RANBP2: variants seen among roughly 807,000 people sequenced by gnomAD.
RANBP2 encodes the protein RAN binding protein 2.
A neutral mutation model predicts 303.6 loss-of-function variants in RANBP2; 57 were observed. The observed-to-expected ratio is 0.19, with a 90% CI of 0.15 to 0.23. RANBP2 has a LOEUF of 0.23. RANBP2 is among the 10% of genes least tolerant of loss of function. The pLI, the probability that RANBP2 is intolerant of heterozygous loss-of-function variation, is 1.00. For missense variants in RANBP2, 3,138 were observed against 3,780.8 expected, an observed-to-expected ratio of 0.83 and a Z score of 4.46; for synonymous variants, 1,167 against 1,301.5, an observed-to-expected ratio of 0.90 and a Z score of 2.23.
the RANBP2 span, among the ~76,000 whole-genome samples, chr2:109,238,449 TTGTGTG>T: frequency 0.13 from 18,027 of 142,434 alleles, 1,288 homozygotes; most frequent in East Asian, 0.24. Context: ...TTATGTATAT[TTGTGTG>T]TGTGTGTGTG....
At chr2:108,729,088 AAT>A (rs1558873832) in intron 1 of RANBP2, 42 bp from the exon 2 acceptor site, 1 of 1,547,022 alleles carries the variant, frequency 6.5e-7, no homozygotes, top group Non-Finnish European at 8.7e-7. Context: ...AATGTTGGAA[AAT>A]ATTTCTGTAT....
chr2:108,953,023 T>C, the RANBP2 span, among the ~76,000 whole-genome samples: 3 of 152,210 alleles, frequency 2.0e-5, no homozygotes, highest in Non-Finnish European at 4.4e-5. Context: ...GTAGTAGGTG[T>C]ACATATTTAT....
chr2:109,714,079 C>A, the RANBP2 span, among the ~76,000 whole-genome samples: 1 of 152,138 alleles, frequency 6.6e-6, no homozygotes, highest in African/African-American at 2.4e-5. Flanking sequence ...CATGGAGGTT[C>A]TTTTTTATTT....
the RANBP2 span, among the ~76,000 whole-genome samples, chr2:109,721,354 A>T: frequency 6.6e-6 from 1 of 152,168 alleles, no homozygotes; most frequent in African/African-American, 2.4e-5. Flanking sequence ...GGAACACAGG[A>T]CGTGTGATTT....
the RANBP2 span, among the ~76,000 whole-genome samples, chr2:108,868,648 T>C: frequency 6.6e-6 from 1 of 151,840 alleles, no homozygotes; most frequent in Non-Finnish European, 1.5e-5. Flanking sequence ...CTGCTGAGAG[T>C]TTCTGGGAAA....
chr2:108,899,407 C>T, the RANBP2 span, among the ~76,000 whole-genome samples: 1 of 152,110 alleles, frequency 6.6e-6, no homozygotes, highest in Non-Finnish European at 1.5e-5. Flanking sequence ...TTTTCACCAG[C>T]AGACCTATCC....
the RANBP2 span, among the ~76,000 whole-genome samples, chr2:108,807,696 C>A: frequency 6.6e-6 from 1 of 152,156 alleles, no homozygotes; most frequent in East Asian, 1.9e-4. Context: ...CGGCTCACTG[C>A]AACCTCTGCC....
At chr2:109,399,057 C>CT in the RANBP2 span, 1 of 1,220,526 alleles carries the variant, frequency 8.2e-7, no homozygotes, top group East Asian at 2.6e-5. Flanking sequence ...CCAGAACTGC[C>CT]TTTTGGGGTT....
At chr2:109,430,213 G>C in the RANBP2 span, among the ~76,000 whole-genome samples, 1 of 152,222 alleles carries the variant, frequency 6.6e-6, no homozygotes, top group Admixed American at 6.5e-5. Context: ...GAGCCAACCC[G>C]GCTGCGCATT....
At chr2:109,590,265 C>G in the RANBP2 span, among the ~76,000 whole-genome samples, 1 of 151,878 alleles carries the variant, frequency 6.6e-6, no homozygotes, top group South Asian at 2.1e-4. Flanking sequence ...GTCGCTAACA[C>G]CGATGCCCCT....
the RANBP2 span, among the ~76,000 whole-genome samples, chr2:108,938,621 A>G: frequency 0.015 from 2,282 of 152,312 alleles, 29 homozygotes; most frequent in South Asian, 0.029. Context: ...CAGAGCTGAA[A>G]GGATCTTGTC....
intron 4 of RANBP2, among the ~76,000 whole-genome samples, chr2:108,733,919 T>G (rs553847652): frequency 2.0e-4 from 30 of 151,810 alleles, no homozygotes; most frequent in Admixed American, 1.7e-3. Flanking sequence ...TCTCCTAAAA[T>G]TTAAGGCTTG....
At chr2:109,095,171 G>A in the RANBP2 span, among the ~76,000 whole-genome samples, 29,311 of 104,914 alleles carry the variant, frequency 0.28, 3,543 homozygotes, top group Non-Finnish European at 0.44. Flanking sequence ...TCATTCCCCC[G>A]CTAGTTATGC....
chr2:108,754,835 T>C (rs557417147), intron 15 of RANBP2, 70 bp from the exon 16 acceptor site: 1 of 1,601,496 alleles, frequency 6.2e-7, no homozygotes, highest in East Asian at 2.2e-5. Flanking sequence ...ATAAAATATA[T>C]CATTTTAGAG....
At chr2:109,392,323 G>A in the RANBP2 span, among the ~76,000 whole-genome samples, 1 of 152,216 alleles carries the variant, frequency 6.6e-6, no homozygotes, top group Non-Finnish European at 1.5e-5. Context: ...GGGGTGAGCA[G>A]TAGCAATGGT....
At chr2:109,393,641 A>C in the RANBP2 span, among the ~76,000 whole-genome samples, 963 of 151,850 alleles carry the variant, frequency 6.3e-3, 12 homozygotes, top group African/African-American at 0.022. Context: ...GGCTTCCTGG[A>C]TTTCCACCAA....
chr2:109,210,868 C>T, the RANBP2 span, among the ~76,000 whole-genome samples: 1 of 152,168 alleles, frequency 6.6e-6, no homozygotes, highest in Non-Finnish European at 1.5e-5. Flanking sequence ...GGTGAGAAAT[C>T]TTTATTTTAA....
the RANBP2 span, among the ~76,000 whole-genome samples, chr2:109,382,206 T>C: frequency 1.3e-5 from 2 of 152,188 alleles, no homozygotes; most frequent in African/African-American, 4.8e-5. Context: ...CCCAGGAATT[T>C]AGGAAGTTAC....
chr2:109,231,662 A>G, the RANBP2 span, among the ~76,000 whole-genome samples: 1 of 152,232 alleles, frequency 6.6e-6, no homozygotes, highest in Non-Finnish European at 1.5e-5. Flanking sequence ...TCATACTAAC[A>G]TTAGCCTAAG....
Sources: allele counts gnomAD v4.1 joint callset (sites outside exome capture counted in the v4.1 genomes callset), GRCh38; gene constraint gnomAD v4.1.1; transcripts MANE v1.5; gene names NCBI Gene and HGNC (gene_info 2026-07-23, HGNC 2026-07-21).